The following ARFIP1 variants were observed in gnomAD, a reference collection of about 807,000 sequenced individuals.
The protein encoded by ARFIP1 is arfaptin-1.
A neutral mutation model predicts 42.5 loss-of-function variants in ARFIP1; 24 were observed. The ratio of observed to expected loss-of-function variants is 0.57; its 90% CI spans 0.41 to 0.80. The LOEUF is 0.80. Among genes scored for constraint, ARFIP1 ranks in the 30% least tolerant of loss-of-function variants. ARFIP1 has a pLI of 0.00. For missense variants in ARFIP1, 354 were observed against 434.0 expected (o/e 0.82, Z 1.64); for synonymous variants, 141 against 153.7 (o/e 0.92, Z 0.61).
intron 1 of ARFIP1, among the ~76,000 whole-genome samples, chr4:152,787,683 C>T (rs968442222): frequency 1.2e-4 from 19 of 152,124 alleles, no homozygotes; most frequent in African/African-American, 4.3e-4. Context: ...TTGTTTCATG[C>T]AAAAAATTAT....
intron 1 of ARFIP1, among the ~76,000 whole-genome samples, chr4:152,812,694 T>C (rs539501823): frequency 6.6e-6 from 1 of 152,354 alleles, no homozygotes; most frequent in South Asian, 2.1e-4. Context: ...ATGTCTACAC[T>C]AGACTCAATC....
intron 1 of ARFIP1, among the ~76,000 whole-genome samples, chr4:152,826,531 A>T (rs1463240073): frequency 6.6e-6 from 1 of 152,202 alleles, no homozygotes; most frequent in Non-Finnish European, 1.5e-5. Context: ...AATGTACACT[A>T]CCGGGGTGAC....
At chr4:152,824,034 C>T (rs1017400396) in intron 1 of ARFIP1, among the ~76,000 whole-genome samples, 1 of 151,912 alleles carries the variant, frequency 6.6e-6, no homozygotes, top group African/African-American at 2.4e-5. Flanking sequence ...CCCATGAGGC[C>T]AGGTGCAGTG....
intron 2 of ARFIP1, among the ~76,000 whole-genome samples, chr4:152,861,086 G>A (rs549717583): frequency 6.6e-6 from 1 of 152,258 alleles, no homozygotes; most frequent in South Asian, 2.1e-4. Flanking sequence ...CTTTCAGAAT[G>A]GAAATTATAT....
chr4:152,798,511 C>G (rs949294029), intron 1 of ARFIP1, among the ~76,000 whole-genome samples: 1 of 152,136 alleles, frequency 6.6e-6, no homozygotes, highest in African/African-American at 2.4e-5. Context: ...TCCTACCTGC[C>G]TTAGATTTAT....
chr4:152,783,432 A>C (rs1263397296), intron 1 of ARFIP1, among the ~76,000 whole-genome samples: 1 of 152,260 alleles, frequency 6.6e-6, no homozygotes, highest in African/African-American at 2.4e-5. Flanking sequence ...TACCATGTGC[A>C]TTAAGCTAAG....
At chr4:152,905,548 T>TTTTTTTTTTTTG (rs1738262223) in intron 8 of ARFIP1, among the ~76,000 whole-genome samples, 1 of 102,984 alleles carries the variant, frequency 9.7e-6, no homozygotes, top group Non-Finnish European at 2.0e-5. Flanking sequence ...AAGAATTGTT[T>TTTTTTTTTTTTG]TTTTTTTTTT....
At position 152,910,111 on chromosome 4, in the gene ARFIP1, C is replaced by T. The variant is rs200681290; in HGVS notation, c.1014C>T (p.Ala338=). 3.2e-5 allele frequency: 51 copies of T among 1,614,164 alleles called. No individual in the cohort carries two copies. The highest frequency in any genetic ancestry group is 4.1e-5 in the Non-Finnish European group (48 of 1,180,022). The part of the protein sequence containing the change: ...NQLVLFHNAI[A]AYFAGNQKQL... ...TGGTCCTTTTCCACAATGCCATTGC[C>T]GCTTACTTTGCTGGGAATCAGAAGC... The change falls in exon 9 of 9, where the codon GCC becomes GCT. Residue 338 remains alanine, a synonymous_variant. Transcript: ENST00000353617.
chr4:152,844,411 A>G (rs1056451056), intron 2 of ARFIP1, among the ~76,000 whole-genome samples: 1 of 152,220 alleles, frequency 6.6e-6, no homozygotes, highest in Non-Finnish European at 1.5e-5. Flanking sequence ...TTAAACTGCA[A>G]CATATCAGTA....
chr4:152,829,536 A>G, intron 1 of ARFIP1, 89 bp from the exon 2 acceptor site: 1 of 739,274 alleles, frequency 1.4e-6, no homozygotes, highest in East Asian at 2.6e-5. Context: ...AAAAAATATT[A>G]AAACGGTGGC....
chr4:152,847,180 C>T lies in ARFIP1; in HGVS notation c.94-16426C>T, dbSNP rs1240315411. 5.4e-5 allele frequency among the ~76,000 whole-genome samples: 7 copies of T among 130,670 alleles called. No individual in the cohort carries two copies. In the East Asian group the frequency reaches 7.1e-4, roughly 13 times the overall value. The allele number at this position is 130,670 out of a possible 152,430, so 85.7% of individuals were successfully genotyped here. Reference sequence around the variant, plus strand: ...GAGTCTCACTCTGTCGCCCCCAGGCCGGAGTGCAATGGTGTGATCTCGGCT... The same window carrying T: ...GAGTCTCACTCTGTCGCCCCCAGGCTGGAGTGCAATGGTGTGATCTCGGCT... On this transcript the variant is annotated intron_variant, in intron 2 of 8. Transcript: ENST00000353617.
intron 8 of ARFIP1, among the ~76,000 whole-genome samples, chr4:152,890,498 T>C (rs7697311): frequency 0.68 from 102,839 of 151,970 alleles, 35,131 homozygotes; most frequent in African/African-American, 0.75. Context: ...TAGAAGCACA[T>C]GTACTAATTA....
At chr4:152,908,525 G>T (rs560536817) in intron 8 of ARFIP1, among the ~76,000 whole-genome samples, 4 of 151,986 alleles carry the variant, frequency 2.6e-5, no homozygotes, top group Admixed American at 2.6e-4. Context: ...CAGGGGAATC[G>T]CTTGAACCCG....
intron 1 of ARFIP1, among the ~76,000 whole-genome samples, chr4:152,805,547 C>T (rs1219326062): frequency 1.3e-5 from 2 of 152,170 alleles, no homozygotes; most frequent in African/African-American, 2.4e-5. Context: ...ATTATTTTTG[C>T]CCCCTAGTGA....
At chr4:152,909,932 A>G in intron 8 of ARFIP1, 132 bp from the exon 9 acceptor site, 1 of 1,167,210 alleles carries the variant, frequency 8.6e-7, no homozygotes, top group Non-Finnish European at 1.2e-6. Context: ...TATGTGTGAA[A>G]TACTTGGTCA....
At chr4:152,899,209 C>T (rs1737611500) in intron 8 of ARFIP1, among the ~76,000 whole-genome samples, 1 of 152,100 alleles carries the variant, frequency 6.6e-6, no homozygotes, top group Admixed American at 6.5e-5. Context: ...CCTCAAGGGA[C>T]AGGGACTAAT....
intron 1 of ARFIP1, among the ~76,000 whole-genome samples, chr4:152,826,880 C>A (rs982775427): frequency 9.2e-5 from 14 of 152,048 alleles, no homozygotes; most frequent in Admixed American, 9.2e-4. Flanking sequence ...ACACATGCTA[C>A]CACATGGATA....
chr4:152,851,526 A>G (rs190572481), intron 2 of ARFIP1, among the ~76,000 whole-genome samples: 1 of 152,354 alleles, frequency 6.6e-6, no homozygotes, highest in Non-Finnish European at 1.5e-5. Flanking sequence ...AGATCCTGCA[A>G]AACCTTGAAA....
At chr4:152,797,581 AT>A (rs1249648861) in intron 1 of ARFIP1, among the ~76,000 whole-genome samples, 11 of 152,328 alleles carry the variant, frequency 7.2e-5, no homozygotes, top group African/African-American at 2.4e-4. Flanking sequence ...CTGTCTTAGA[AT>A]GGGGATATCT....
Sources: allele counts gnomAD v4.1 joint callset (sites outside exome capture counted in the v4.1 genomes callset), GRCh38; gene constraint gnomAD v4.1.1; transcripts MANE v1.5; gene names NCBI Gene and HGNC (gene_info 2026-07-23, HGNC 2026-07-21).